Variants in ZNRF3 observed in about 807,000 individuals in gnomAD.
ZNRF3 encodes zinc and ring finger 3, also known as E3 ubiquitin-protein ligase ZNRF3.
Under a neutral mutation model 72.5 loss-of-function variants are expected in ZNRF3, and 23 were observed. That is an observed-to-expected ratio of 0.32 (90% confidence interval 0.23 to 0.45). The LOEUF (loss-of-function observed/expected upper bound fraction) is 0.45. Ranked by LOEUF, ZNRF3 falls within the 20% of genes least tolerant of loss-of-function variation. The pLI, the probability that ZNRF3 is intolerant of heterozygous loss-of-function variation, is 1.00. For missense variants in ZNRF3, 1,169 were observed against 1,272.1 expected (o/e 0.92, Z 1.23); for synonymous variants, 610 against 545.3 (o/e 1.12, Z -1.65).
intron 1 of ZNRF3, among the ~76,000 whole-genome samples, chr22:28,981,238 C>A (rs764467309): frequency 4.6e-5 from 7 of 152,198 alleles, no homozygotes; most frequent in Non-Finnish European, 8.8e-5. Flanking sequence ...TAGTGTCTAG[C>A]TGAAACTTTG....
chr22:28,934,902 G>A (rs967473895), intron 1 of ZNRF3, among the ~76,000 whole-genome samples: 3 of 151,738 alleles, frequency 2.0e-5, no homozygotes, highest in Admixed American at 1.3e-4. Flanking sequence ...ACTGGGACCA[G>A]CTGGGTTTCC....
In ZNRF3 at chr22:28,934,849, T is replaced by G. The variant is rs551839671; in HGVS notation, c.300+50783T>G. ...AAAAAAAAAAAAAAAGTATATTGAT[T>G]AAAAAGGGGAAACCCTCCCATCCTG... On this transcript the variant is annotated intron_variant, in intron 1 of 8. Coordinates refer to ENST00000544604, the MANE Select transcript of ZNRF3 (RefSeq NM_001206998.2). Among the ~76,000 whole-genome samples, 6 of 151,630 alleles carry G rather than the reference T, an allele frequency of 4.0e-5. No homozygotes were observed. The South Asian group carries it at 8.3e-4, about 21-fold the overall frequency.
intron 2 of ZNRF3, among the ~76,000 whole-genome samples, chr22:29,007,406 G>A (rs1343334102): frequency 6.6e-6 from 1 of 152,188 alleles, no homozygotes; most frequent in Non-Finnish European, 1.5e-5. Context: ...GGAAGCCAAG[G>A]CAGGGGAATC....
rs115177581 is a variant in ZNRF3 at position 28,977,163 on chromosome 22, G to A, written c.301-9913G>A. ...ATACCCACTGGGGGAGACTCCAGCC[G>A]AGTGTTCTGAAAGCCAGAGTCCTCA... On this transcript the variant is annotated intron_variant, in intron 1 of 8. Coordinates refer to ENST00000544604, the MANE Select transcript of ZNRF3 (RefSeq NM_001206998.2). 4.0e-3 allele frequency among the ~76,000 whole-genome samples: 605 copies of A among 152,216 alleles called. 2 individuals are homozygous for A. Among genetic ancestry groups the A allele is most frequent in the African/African-American group, 0.013 (531 of 41,530 alleles).
intron 1 of ZNRF3, among the ~76,000 whole-genome samples, chr22:28,961,823 G>A (rs2035365377): frequency 6.6e-6 from 1 of 152,128 alleles, no homozygotes; most frequent in Non-Finnish European, 1.5e-5. Flanking sequence ...CCACCCACTG[G>A]TATCTGACCC....
chr22:28,888,370 T>A (rs76368927), intron 1 of ZNRF3, among the ~76,000 whole-genome samples: 4,953 of 152,322 alleles, frequency 0.033, 241 homozygotes, highest in East Asian at 0.25. Context: ...AAAATTGACT[T>A]GGTCTAATAG....
intron 1 of ZNRF3, among the ~76,000 whole-genome samples, chr22:28,941,850 G>C (rs1278828744): frequency 6.6e-6 from 1 of 152,194 alleles, no homozygotes; most frequent in South Asian, 2.1e-4. Flanking sequence ...GGTGGAAGGG[G>C]AGGCTGAGGT....
chr22:28,884,273 G>A (rs1228606896), intron 1 of ZNRF3, among the ~76,000 whole-genome samples: 1 of 152,038 alleles, frequency 6.6e-6, no homozygotes, highest in South Asian at 2.1e-4. Flanking sequence ...GCACGTGGGG[G>A]CTAGAGCTCC....
chr22:28,928,290 T>A (rs948602664), intron 1 of ZNRF3, among the ~76,000 whole-genome samples: 1 of 152,158 alleles, frequency 6.6e-6, no homozygotes, highest in African/African-American at 2.4e-5. Context: ...TTGATTTTTT[T>A]TACCCGCGTT....
intron 2 of ZNRF3, among the ~76,000 whole-genome samples, chr22:29,011,031 G>A (rs1392767602): frequency 2.0e-5 from 3 of 152,008 alleles, no homozygotes; most frequent in Non-Finnish European, 4.4e-5. Context: ...CTGTGCTTTC[G>A]GTGTCTCTTC....
intron 1 of ZNRF3, among the ~76,000 whole-genome samples, chr22:28,963,272 A>G (rs1308684582): frequency 6.6e-6 from 1 of 152,218 alleles, no homozygotes; most frequent in Non-Finnish European, 1.5e-5. Flanking sequence ...AGAGAGGGAG[A>G]CAGTGACTTG....
chr22:29,038,221 G>C lies in ZNRF3; in HGVS notation c.427-4274G>C, dbSNP rs1426330547. Among the ~76,000 whole-genome samples, 3 of 152,090 alleles carry C rather than the reference G, an allele frequency of 2.0e-5. No homozygotes were observed. The East Asian group carries it at 5.8e-4, about 29-fold the overall frequency. ...TGAAATAATATTCTGGTCTACACTT[G>C]AGTAATTAAAATGGTGAATGATCTG... On this transcript the variant is annotated intron_variant, in intron 2 of 8. Transcript: ENST00000544604.
At chr22:28,961,371 C>G (rs1323780885) in intron 1 of ZNRF3, among the ~76,000 whole-genome samples, 1 of 152,188 alleles carries the variant, frequency 6.6e-6, no homozygotes, top group Non-Finnish European at 1.5e-5. Flanking sequence ...ACATCCCATC[C>G]CATTGGGACA....
intron 1 of ZNRF3, among the ~76,000 whole-genome samples, chr22:28,884,980 A>C (rs1015627624): frequency 6.6e-6 from 1 of 151,854 alleles, no homozygotes; most frequent in South Asian, 2.1e-4. Context: ...CAGCCAGCGC[A>C]CTAATAATGG....
intron 2 of ZNRF3, among the ~76,000 whole-genome samples, chr22:29,041,141 T>C (rs2036954963): frequency 6.6e-6 from 1 of 152,082 alleles, no homozygotes; most frequent in Non-Finnish European, 1.5e-5. Flanking sequence ...GACATGCATG[T>C]ATGTATGTAT....
intron 2 of ZNRF3, among the ~76,000 whole-genome samples, chr22:29,014,396 G>A (rs941798777): frequency 2.0e-5 from 3 of 152,166 alleles, no homozygotes; most frequent in Non-Finnish European, 2.9e-5. Context: ...TTGTAGTGCA[G>A]GCTTGGGTGA....
At chr22:28,949,433 C>T (rs2035115075) in intron 1 of ZNRF3, among the ~76,000 whole-genome samples, 1 of 151,994 alleles carries the variant, frequency 6.6e-6, no homozygotes. Flanking sequence ...GCCACTGTGA[C>T]CAGCTATATT....
rs991337729 is a variant in ZNRF3, at chr22:29,050,563, C to T, written c.2382C>T (p.Gly794=). Residue 794 remains glycine, a synonymous_variant, in exon 8 of 9, where the codon GGC becomes GGT. Coordinates refer to ENST00000544604, the MANE Select transcript of ZNRF3 (RefSeq NM_001206998.2). ...AGGTGGCCCGCGGGGGCGGAGGGGG[C>T]AGCGGCTGCTACACTGAGGACTACT... ...EKQVARGGGG[G]SGCYTEDYSV... is the part of the protein sequence containing the mutation. The T allele has an allele frequency of 1.2e-6, 2 of 1,608,818 alleles. No homozygotes were observed. Among genetic ancestry groups the T allele is most frequent in the Admixed American group, 1.7e-5 (1 of 59,502 alleles).
chr22:29,049,993 C>A lies in ZNRF3; in HGVS notation c.1812C>A (p.Pro604=), dbSNP rs1337048096. The change falls in exon 8 of 9, where the codon CCC becomes CCA. Residue 604 remains proline, a synonymous_variant. Transcript: ENST00000544604. This position sits in a 1 kb window ranked among gnomAD's most constrained non-coding sequence, Gnocchi z 5.2. ...YDPFIYRSRS[P]CRASEAGGSG... is the part of the protein sequence containing the mutation. ...CCTTCATCTACCGCAGCCGGAGCCC[C>A]TGTCGTGCCAGTGAGGCGGGGGGCT... 2 of 1,612,158 alleles carry A rather than the reference C, an allele frequency of 1.2e-6. No individual in the cohort carries two copies. The highest frequency in any genetic ancestry group is 2.7e-5 in the African/African-American group (2 of 74,936).
Sources: gnomAD v4.1 joint callset for allele counts (sites outside exome capture counted in the v4.1 genomes callset) on GRCh38, gnomAD v4.1.1 for gene constraint, Gnocchi (gnomAD v3.1) non-coding constraint, MANE v1.5 for transcripts, NCBI Gene and HGNC (gene_info 2026-07-23, HGNC 2026-07-21) for gene names.